NELL1: variants seen among roughly 807,000 people sequenced by gnomAD.
NELL1 encodes neural EGFL like 1, also known as protein kinase C-binding protein NELL1.
A neutral mutation model predicts 107.4 loss-of-function variants in NELL1; 76 were observed. The ratio of observed to expected loss-of-function variants is 0.71; its 90% CI spans 0.59 to 0.86. The LOEUF (loss-of-function observed/expected upper bound fraction) is 0.86. NELL1 is among the 40% of genes least tolerant of loss of function. The pLI is 0.00. For synonymous variants in NELL1, 353 were observed against 341.2 expected (o/e 1.03, Z -0.38); for missense variants, 1,024 against 1,005.5 (o/e 1.02, Z -0.25).
At chr11:20,682,272 C>T (rs1414493685) in intron 2 of NELL1, among the ~76,000 whole-genome samples, 1 of 151,680 alleles carries the variant, frequency 6.6e-6, no homozygotes, top group Non-Finnish European at 1.5e-5. Context: ...GTAAGAGCCA[C>T]ATTAAAAAAG....
chr11:20,978,946 T>G (rs1851695266), intron 12 of NELL1, among the ~76,000 whole-genome samples: 1 of 152,216 alleles, frequency 6.6e-6, no homozygotes, highest in Admixed American at 6.5e-5. Context: ...TGGGACATGC[T>G]GTTTGCAGTG....
chr11:20,743,926 C>A (rs1488378601), intron 2 of NELL1, among the ~76,000 whole-genome samples: 1 of 152,170 alleles, frequency 6.6e-6, no homozygotes, highest in Non-Finnish European at 1.5e-5. Flanking sequence ...AATCCTAAGC[C>A]TTTTCTATCT....
chr11:20,693,869 C>A (rs1261880571), intron 2 of NELL1, among the ~76,000 whole-genome samples: 2 of 152,136 alleles, frequency 1.3e-5, no homozygotes, highest in African/African-American at 4.8e-5. Flanking sequence ...TGGATAGTAT[C>A]CTGCAGAGTG....
chr11:21,378,636 T>G (rs559699179), intron 15 of NELL1, among the ~76,000 whole-genome samples: 1 of 152,120 alleles, frequency 6.6e-6, no homozygotes, highest in African/African-American at 2.4e-5. Flanking sequence ...CTTATCCTCT[T>G]TCTTAGAAGA....
intron 15 of NELL1, among the ~76,000 whole-genome samples, chr11:21,414,559 A>C (rs1590914326): frequency 1.3e-5 from 2 of 151,986 alleles, no homozygotes; most frequent in South Asian, 2.1e-4. Context: ...ACCTGTATTC[A>C]TGAGGGTTTA....
chr11:20,742,068 T>C (rs1855903600), intron 2 of NELL1, among the ~76,000 whole-genome samples: 1 of 152,158 alleles, frequency 6.6e-6, no homozygotes, highest in Non-Finnish European at 1.5e-5. Flanking sequence ...CGAAGGAGCA[T>C]TGTTATTACT....
chr11:21,430,739 C>A (rs984274601), intron 15 of NELL1, among the ~76,000 whole-genome samples: 4 of 152,086 alleles, frequency 2.6e-5, no homozygotes, highest in African/African-American at 9.7e-5. Context: ...AGATAGAAAA[C>A]ACCTTGATCT....
chr11:21,086,807 G>A (rs2133681178), intron 12 of NELL1, among the ~76,000 whole-genome samples: 1 of 149,254 alleles, frequency 6.7e-6, no homozygotes, highest in South Asian at 2.2e-4. Flanking sequence ...ATAACAAGTA[G>A]ACTGTTGAGT....
intron 2 of NELL1, among the ~76,000 whole-genome samples, chr11:20,705,856 T>C (rs1468352418): frequency 6.6e-5 from 10 of 151,784 alleles, no homozygotes; most frequent in Admixed American, 6.6e-4. Flanking sequence ...GTGGGCAAAG[T>C]ATATGAACAG....
At chr11:20,695,769 CAG>C (rs1854598658) in intron 2 of NELL1, among the ~76,000 whole-genome samples, 1 of 152,006 alleles carries the variant, frequency 6.6e-6, no homozygotes, top group African/African-American at 2.4e-5. Flanking sequence ...TTTTTGATAA[CAG>C]GGTGATGCTG....
At chr11:20,785,492 T>C (rs1197362482) in intron 3 of NELL1, among the ~76,000 whole-genome samples, 1 of 152,132 alleles carries the variant, frequency 6.6e-6, no homozygotes, top group African/African-American at 2.4e-5. Context: ...CCTTGTGGGG[T>C]TGGGTGTGAA....
At chr11:20,804,505 G>A (rs1857342058) in intron 3 of NELL1, among the ~76,000 whole-genome samples, 1 of 152,152 alleles carries the variant, frequency 6.6e-6, no homozygotes, top group Non-Finnish European at 1.5e-5. Context: ...CAAAGTGCTG[G>A]GAATACAGGC....
At chr11:21,168,347 T>C (rs1484700467) in intron 13 of NELL1, among the ~76,000 whole-genome samples, 1 of 151,786 alleles carries the variant, frequency 6.6e-6, no homozygotes. Context: ...TTAAAAAATA[T>C]CATCTCACTG....
chr11:20,936,505 G>A (rs923946768), intron 9 of NELL1, among the ~76,000 whole-genome samples: 1 of 152,202 alleles, frequency 6.6e-6, no homozygotes. Context: ...AGGGAGGAAT[G>A]AAAGCCCCAT....
chr11:21,472,099 T>C (rs971013109), intron 15 of NELL1, among the ~76,000 whole-genome samples: 7 of 152,022 alleles, frequency 4.6e-5, no homozygotes, highest in African/African-American at 1.4e-4. Flanking sequence ...CTGGTGACCT[T>C]TGAGCTGTCT....
chr11:21,155,776 A>C (rs1856218487), intron 13 of NELL1, among the ~76,000 whole-genome samples: 1 of 152,082 alleles, frequency 6.6e-6, no homozygotes, highest in Non-Finnish European at 1.5e-5. Context: ...GGTGGAAGGA[A>C]ATGAGGTAAT....
At chr11:21,483,907 T>C (rs1854555789) in intron 15 of NELL1, among the ~76,000 whole-genome samples, 1 of 143,120 alleles carries the variant, frequency 7.0e-6, no homozygotes, top group African/African-American at 2.6e-5. Flanking sequence ...ATATAAAATA[T>C]TCCATTATTT....
intron 2 of NELL1, among the ~76,000 whole-genome samples, chr11:20,715,823 G>T (rs2133902037): frequency 6.6e-6 from 1 of 152,264 alleles, no homozygotes; most frequent in East Asian, 1.9e-4. Flanking sequence ...AATTAACCAT[G>T]GGGCCACAAT....
intron 4 of NELL1, among the ~76,000 whole-genome samples, chr11:20,867,411 A>G (rs1224869330): frequency 6.6e-6 from 1 of 152,240 alleles, no homozygotes; most frequent in Non-Finnish European, 1.5e-5. Context: ...TGTTAGCAGC[A>G]GTAGTAGGAT....
Sources: gnomAD v4.1 joint callset for allele counts (sites outside exome capture counted in the v4.1 genomes callset) on GRCh38, gnomAD v4.1.1 for gene constraint, MANE v1.5 for transcripts, NCBI Gene and HGNC (gene_info 2026-07-23, HGNC 2026-07-21) for gene names.